Variants in CORO7 observed in about 807,000 individuals in gnomAD.
CORO7 encodes the protein coronin 7.
CORO7 carries 107 observed loss-of-function variants against 126.6 expected under a neutral mutation model. That is an observed-to-expected ratio of 0.85 (90% CI 0.72 to 0.99). The LOEUF is 0.99. Among genes scored for constraint, CORO7 ranks in the 50% least tolerant of loss-of-function variants. The pLI is 0.00. For missense variants in CORO7, 1,314 were observed against 1,255.8 expected, an observed-to-expected ratio of 1.05 and a Z score of -0.70; for synonymous variants, 603 against 536.8, an observed-to-expected ratio of 1.12 and a Z score of -1.70.
chr16:4,381,427 C>G (rs773302020), intron 9 of CORO7: 1 of 1,581,434 alleles, frequency 6.3e-7, no homozygotes. Context: ...CCTCCTGGCC[C>G]TGGAGCCCGG....
chr16:4,362,308 C>T lies in CORO7; in HGVS notation c.1403-148G>A. 1.6e-6 allele frequency: 2 copies of T among 1,213,468 alleles called. No individual in the cohort carries two copies. Among genetic ancestry groups the T allele is most frequent in the Non-Finnish European group, 2.2e-6 (2 of 889,958 alleles). The allele number at this position is 1,213,468 out of a possible 1,614,324, so 75.2% of individuals were successfully genotyped here. A position where few individuals can be genotyped will look rare whatever the true frequency, so the allele number is the denominator to read the frequency against. On this transcript the variant is annotated intron_variant, in intron 15 of 27. Coordinates refer to ENST00000251166, the MANE Select transcript of CORO7 (RefSeq NM_024535.5). This position sits in a 1 kb window ranked among gnomAD's most constrained non-coding sequence, Gnocchi z 5.3. The stretch of plus-strand genomic sequence containing the variant: ...CAGGCCTTTGCTAATCCAGTGGATG[C>T]AACTCGCCCAGGAATAATGTCTGGA...
In CORO7 at chr16:4,357,347, CTTTCTTTCTTT is replaced by C; in HGVS notation, c.2594-99_2594-89del. On this transcript the variant is annotated intron_variant, in intron 25 of 27. Coordinates refer to ENST00000251166, the MANE Select transcript of CORO7 (RefSeq NM_024535.5). Reference sequence around the variant, plus strand: ...CCTCGGGGATTTCTTTCTTTCTTTTCTTTCTTTCTTTTTTTTTTTTTTTTTTTGAGATGGAG... The same window carrying C: ...CCTCGGGGATTTCTTTCTTTCTTTTCTTTTTTTTTTTTTTTTGAGATGGAG... 3.1e-6 allele frequency: 3 copies of C among 957,178 alleles called. No individual in the cohort carries two copies. The African/African-American group carries it at 5.9e-5, about 19-fold the overall frequency. The allele number at this position is 957,178 out of a possible 1,614,324, so 59.3% of individuals were successfully genotyped here. A position where few individuals can be genotyped will look rare whatever the true frequency, so the allele number is the denominator to read the frequency against.
chr16:4,362,530 G>A lies in CORO7; in HGVS notation c.1402+82C>T. On this transcript the variant is annotated intron_variant, in intron 15 of 27. Coordinates refer to ENST00000251166, the MANE Select transcript of CORO7 (RefSeq NM_024535.5). This position sits in a 1 kb window ranked among gnomAD's most constrained non-coding sequence, Gnocchi z 5.3. The stretch of plus-strand genomic sequence containing the variant: ...CCCTGCATGAGGCCTGTGCTCAGCA[G>A]TAGGGTACACAGGAGGATGACGGGG... 1.4e-6 allele frequency: 2 copies of A among 1,478,426 alleles called. No individual in the cohort carries two copies. The highest frequency in any genetic ancestry group is 1.8e-6 in the Non-Finnish European group (2 of 1,116,518). 91.6% of individuals were successfully genotyped at this position (1,478,426 alleles called of 1,614,324 possible).
At chr16:4,391,718 G>A (rs187568259) in intron 7 of CORO7, among the ~76,000 whole-genome samples, 39 of 152,308 alleles carry the variant, frequency 2.6e-4, no homozygotes, top group Non-Finnish European at 3.2e-4. Flanking sequence ...GCGACAGAGC[G>A]AGACCCGTTT....
In CORO7 at chr16:4,388,641, G is replaced by A. The variant is rs1218676359; in HGVS notation, c.616-10C>T. ...CATGGGCCTGCGTGCTCTGCAGGAG[G>A]CAAGAGGTGGACCTGAGCCCCCAGG... On this transcript the variant is annotated splice_polypyrimidine_tract_variant and intron_variant, in intron 7 of 27. Coordinates refer to ENST00000251166, the MANE Select transcript of CORO7 (RefSeq NM_024535.5). 6.8e-6 allele frequency: 11 copies of A among 1,608,090 alleles called. No individual in the cohort carries two copies. Among genetic ancestry groups the A allele is most frequent in the South Asian group, 1.1e-5 (1 of 89,946 alleles).
Position 4,367,763 on chromosome 16 carries a change from C to G in CORO7, c.786-2218G>C, listed in dbSNP as rs943834247. Among the ~76,000 whole-genome samples, 2 of 152,136 alleles carry G rather than the reference C, an allele frequency of 1.3e-5. 1 individual carries two copies. The highest frequency in any genetic ancestry group is 4.8e-5 in the African/African-American group (2 of 41,416). On this transcript the variant is annotated intron_variant, in intron 9 of 27. Coordinates refer to ENST00000251166, the MANE Select transcript of CORO7 (RefSeq NM_024535.5). ...GGAACAAGATGGACAATGTGCCTGACAGCCTGGACAGTGTGGGTGAGGGCT... is the reference window on the plus strand; with the variant it reads ...GGAACAAGATGGACAATGTGCCTGAGAGCCTGGACAGTGTGGGTGAGGGCT...
At chr16:4,368,730 A>C (rs894223086) in intron 9 of CORO7, among the ~76,000 whole-genome samples, 27 of 149,160 alleles carry the variant, frequency 1.8e-4, no homozygotes, top group African/African-American at 6.5e-4. Context: ...CCTTGGCAAC[A>C]GAGTGAGACT....
intron 6 of CORO7, among the ~76,000 whole-genome samples, chr16:4,395,985 G>GTGTA (rs55915815): frequency 2.0e-5 from 1 of 50,462 alleles, no homozygotes; most frequent in African/African-American, 6.6e-5. Flanking sequence ...ATGTGTGTGT[G>GTGTA]CATGCACACG....
chr16:4,382,896 C>G (rs761035821), intron 9 of CORO7: 2 of 1,515,202 alleles, frequency 1.3e-6, no homozygotes, highest in South Asian at 1.3e-5. Flanking sequence ...AGCCCTACAT[C>G]TAAGCCAGAG....
intron 24 of CORO7, 88 bp downstream of exon 24, chr16:4,358,279 G>T: frequency 1.2e-5 from 19 of 1,549,470 alleles, no homozygotes; most frequent in Non-Finnish European, 1.7e-5. Context: ...GGGTAGGGAA[G>T]TTTGGAAGCT....
chr16:4,379,498 C>G (rs1481489293), intron 9 of CORO7, among the ~76,000 whole-genome samples: 1 of 152,174 alleles, frequency 6.6e-6, no homozygotes, highest in African/African-American at 2.4e-5. Context: ...CAGGTGGCTG[C>G]TGCACACCTG....
At chr16:4,391,097 ACTC>A (rs1309674700) in intron 7 of CORO7, among the ~76,000 whole-genome samples, 2 of 152,018 alleles carry the variant, frequency 1.3e-5, no homozygotes, top group African/African-American at 2.4e-5. Flanking sequence ...TTACCCTGTA[ACTC>A]CTCATCAATG....
chr16:4,410,050 G>A (rs2056144516), intron 3 of CORO7, among the ~76,000 whole-genome samples: 1 of 152,186 alleles, frequency 6.6e-6, no homozygotes, highest in Non-Finnish European at 1.5e-5. Context: ...TCTACTTGAA[G>A]AGCCCTAGTA....
In CORO7 at chr16:4,383,108, C is replaced by A. The variant is rs1305736781; in HGVS notation, c.785+4878G>T. 6 of 581,200 alleles carry A rather than the reference C, an allele frequency of 1.0e-5. No individual in the cohort carries two copies. The East Asian group carries it at 1.9e-4, about 18-fold the overall frequency. 36.0% of individuals were successfully genotyped at this position (581,200 alleles called of 1,614,324 possible). On this transcript the variant is annotated intron_variant, in intron 9 of 27. Transcript: ENST00000251166. ...GCCCAGCTGACGAGCCCTAACGTCC[C>A]CAGAACCGAGTGCCTATGAGGACAG...
chr16:4,360,725 C>T (rs890506578), intron 19 of CORO7, among the ~76,000 whole-genome samples, 177 bp from the exon 20 acceptor site: 1 of 146,070 alleles, frequency 6.8e-6, no homozygotes, highest in African/African-American at 2.5e-5. Context: ...ACTGCTGGCC[C>T]CCCTTCTCCT....
At chr16:4,363,389 A>C (rs2054246375) in intron 14 of CORO7, among the ~76,000 whole-genome samples, 1 of 149,060 alleles carries the variant, frequency 6.7e-6, no homozygotes, top group Non-Finnish European at 1.5e-5. Context: ...ACATGGTGAA[A>C]ACCCGTCTCT....
At chr16:4,396,467 G>A (rs1347748485) in intron 6 of CORO7, among the ~76,000 whole-genome samples, 1 of 152,216 alleles carries the variant, frequency 6.6e-6, no homozygotes, top group Admixed American at 6.5e-5. Flanking sequence ...ATCTCCATTT[G>A]TGTGACCACG....
At chr16:4,393,504 C>T (rs929946990) in intron 7 of CORO7, among the ~76,000 whole-genome samples, 1 of 152,278 alleles carries the variant, frequency 6.6e-6, no homozygotes, top group African/African-American at 2.4e-5. Context: ...TTCAGCTGGA[C>T]AAAAGTGGAA....
intron 9 of CORO7, among the ~76,000 whole-genome samples, chr16:4,370,495 G>C (rs2054486511): frequency 6.6e-6 from 1 of 152,170 alleles, no homozygotes; most frequent in Non-Finnish European, 1.5e-5. Flanking sequence ...CTTCAAAGTT[G>C]TAAAAACTCC....
Sources: gnomAD v4.1 joint callset for allele counts (sites outside exome capture counted in the v4.1 genomes callset) on GRCh38, gnomAD v4.1.1 for gene constraint, Gnocchi (gnomAD v3.1) non-coding constraint, MANE v1.5 for transcripts, NCBI Gene and HGNC (gene_info 2026-07-23, HGNC 2026-07-21) for gene names.